The following BPI variants were observed in gnomAD, a reference collection of about 807,000 sequenced individuals.
BPI encodes the protein bactericidal permeability-increasing protein.
In BPI, 48 loss-of-function variants were observed where a neutral mutation model predicts 57.6. The observed-to-expected ratio is 0.83, with a 90% CI of 0.66 to 1.06. The LOEUF (loss-of-function observed/expected upper bound fraction) is 1.06. Ranked by LOEUF, BPI falls within the 50% of genes least tolerant of loss-of-function variation. The pLI is 0.00. For missense variants in BPI, 651 were observed against 609.7 expected (o/e 1.07, Z -0.71); for synonymous variants, 237 against 238.2 (o/e 0.99, Z 0.05).
chr20:38,330,307 T>G (rs1200089236), intron 11 of BPI, among the ~76,000 whole-genome samples: 1 of 152,186 alleles, frequency 6.6e-6, no homozygotes, highest in Non-Finnish European at 1.5e-5. Flanking sequence ...TGGACCATTG[T>G]TTGATCTCTG....
At chr20:38,316,085 C>T (rs1186610158) in intron 5 of BPI, among the ~76,000 whole-genome samples, 1 of 151,518 alleles carries the variant, frequency 6.6e-6, no homozygotes, top group Non-Finnish European at 1.5e-5. Context: ...CCACCCACCT[C>T]GGCCTCTCAA....
At chr20:38,329,322 G>T (rs910651749) in intron 11 of BPI, among the ~76,000 whole-genome samples, 1 of 152,122 alleles carries the variant, frequency 6.6e-6, no homozygotes, top group Non-Finnish European at 1.5e-5. Context: ...TTTTCACGCC[G>T]CCTTGACCCA....
At chr20:38,323,794 A>AT (rs1182419009) in intron 7 of BPI, 76 bp from the exon 8 acceptor site, 5 of 1,517,728 alleles carry the variant, frequency 3.3e-6, no homozygotes, top group South Asian at 1.3e-5. Flanking sequence ...TCTTCAGTCC[A>AT]TTTTTTCCTG....
At chr20:38,310,749 C>T in intron 4 of BPI, 97 bp downstream of exon 4, 4 of 1,478,492 alleles carry the variant, frequency 2.7e-6, no homozygotes, top group South Asian at 1.3e-5. Flanking sequence ...GTGCCACCTG[C>T]ATGCCAGGCC....
chr20:38,326,541 T>TGTCACTCCGGAGCCTGAGGCTTGAGTCA (rs2122549192), intron 10 of BPI, 109 bp downstream of exon 10: 1 of 1,313,462 alleles, frequency 7.6e-7, no homozygotes, highest in East Asian at 2.7e-5. Flanking sequence ...ACCTGGACTG[T>TGTCACTCCGGAGCCTGAGGCTTGAGTCA]GTCACTCCGG....
intron 10 of BPI, among the ~76,000 whole-genome samples, chr20:38,326,756 T>C (rs1312396417): frequency 6.6e-6 from 1 of 152,378 alleles, no homozygotes; most frequent in Admixed American, 6.5e-5. Context: ...CATTCAATTA[T>C]GCATTTGTGT....
chr20:38,309,991 A>G (rs1037570837), intron 3 of BPI, among the ~76,000 whole-genome samples: 4 of 152,202 alleles, frequency 2.6e-5, no homozygotes, highest in Admixed American at 1.3e-4. Context: ...TTTTCCCTTA[A>G]TGATCACACA....
chr20:38,324,072 G>C (rs1436587647), intron 8 of BPI, 26 bp downstream of exon 8: 1 of 1,610,570 alleles, frequency 6.2e-7, no homozygotes, highest in Non-Finnish European at 8.5e-7. Context: ...GGGTGGGTGT[G>C]GGAAGAGCAC....
chr20:38,329,037 A>ATAAG (rs2076728950), intron 11 of BPI, among the ~76,000 whole-genome samples: 1 of 152,048 alleles, frequency 6.6e-6, no homozygotes, highest in Non-Finnish European at 1.5e-5. Flanking sequence ...AAATAAACAA[A>ATAAG]TAGATTTTTA....
intron 14 of BPI, among the ~76,000 whole-genome samples, chr20:38,336,569 C>G (rs1158658882): frequency 6.6e-6 from 1 of 151,996 alleles, no homozygotes; most frequent in Non-Finnish European, 1.5e-5. Context: ...TGGGGAGCCT[C>G]GCATCACCCA....
intron 12 of BPI, among the ~76,000 whole-genome samples, chr20:38,332,183 G>C (rs950201797): frequency 6.6e-6 from 1 of 152,216 alleles, no homozygotes; most frequent in Non-Finnish European, 1.5e-5. Flanking sequence ...GGCTGAGCTA[G>C]AGGAGGGGAG....
At chr20:38,322,294 A>T (rs2076690349) in intron 7 of BPI, among the ~76,000 whole-genome samples, 1 of 152,196 alleles carries the variant, frequency 6.6e-6, no homozygotes, top group African/African-American at 2.4e-5. Flanking sequence ...CAAATGGCAT[A>T]CTAAGAAAAA....
rs188723901 is a variant in BPI at position 38,329,318 on chromosome 20, C to T, written c.1229+1663C>T. Among the ~76,000 whole-genome samples the T allele has an allele frequency of 1.9e-3, 282 of 152,340 alleles. 1 individual carries two copies. The highest frequency in any genetic ancestry group is 9.5e-3 in the East Asian group (49 of 5,176). ...CTTCAGCACATTTGCGCTGTTTTCA[C>T]GCCGCCTTGACCCACATCCCTGCCC... is the stretch of plus-strand genomic sequence containing the variant. On this transcript the variant is annotated intron_variant, in intron 11 of 14. Transcript: ENST00000642449.
chr20:38,322,289 G>A (rs2076690287), intron 7 of BPI, among the ~76,000 whole-genome samples: 1 of 151,868 alleles, frequency 6.6e-6, no homozygotes, highest in African/African-American at 2.4e-5. Flanking sequence ...TAGACCAAAT[G>A]GCATACTAAG....
At chr20:38,309,085 G>T in intron 3 of BPI, 27 bp downstream of exon 3, 1 of 1,613,626 alleles carries the variant, frequency 6.2e-7, no homozygotes, top group Non-Finnish European at 8.5e-7. Context: ...GCGGTTTGTT[G>T]GGTGTGCTCT....
At chr20:38,333,307 G>A (rs931487022) in intron 12 of BPI, among the ~76,000 whole-genome samples, 2 of 151,764 alleles carry the variant, frequency 1.3e-5, no homozygotes, top group African/African-American at 4.8e-5. Flanking sequence ...GTGAGGCCAG[G>A]GAATAACAGG....
intron 3 of BPI, among the ~76,000 whole-genome samples, chr20:38,310,236 C>A (rs1174206672): frequency 1.3e-5 from 2 of 152,182 alleles, no homozygotes; most frequent in East Asian, 3.8e-4. Flanking sequence ...CAAGGCCACA[C>A]AGCTAGGGCA....
Position 38,321,752 on chromosome 20 carries a change from C to T in BPI, c.756+1478C>T, listed in dbSNP as rs545585786. On this transcript the variant is annotated intron_variant, in intron 7 of 14. Coordinates refer to ENST00000642449, the MANE Select transcript of BPI (RefSeq NM_001725.3). ...AAAAAGAGAGAGAGAGAGAGAATTA[C>T]CCGAGTCTACAACCTAGAGATAAGC... 11 of 152,074 alleles carry T rather than the reference C, an allele frequency of 7.2e-5. No individual in the cohort carries two copies. In the East Asian group the frequency reaches 2.1e-3, roughly 29 times the overall value. The allele number at this position is 152,074 out of a possible 1,614,324, so 9.4% of individuals were successfully genotyped here.
Sources: gnomAD v4.1 joint callset for allele counts (sites outside exome capture counted in the v4.1 genomes callset) on GRCh38, gnomAD v4.1.1 for gene constraint, MANE v1.5 for transcripts, NCBI Gene and HGNC (gene_info 2026-07-23, HGNC 2026-07-21) for gene names.